Variants in PTGER3 observed in about 807,000 individuals in gnomAD.
PTGER3 encodes the protein prostaglandin E2 receptor EP3 subtype.
A neutral mutation model predicts 34.7 loss-of-function variants in PTGER3; 22 were observed. The ratio of observed to expected loss-of-function variants is 0.63; its 90% confidence interval spans 0.45 to 0.91. PTGER3 has a LOEUF of 0.91. Among genes scored for constraint, PTGER3 ranks in the 40% least tolerant of loss-of-function variants. The pLI is 0.00. For synonymous variants in PTGER3, 241 were observed against 230.1 expected, an observed-to-expected ratio of 1.05 and a Z score of -0.43; for missense variants, 468 against 519.4, an observed-to-expected ratio of 0.90 and a Z score of 0.96.
chr1:70,981,925 T>G (rs1268015875), intron 2 of PTGER3, among the ~76,000 whole-genome samples: 4 of 152,104 alleles, frequency 2.6e-5, no homozygotes, highest in Non-Finnish European at 5.9e-5. Context: ...CCCACAGTTA[T>G]CCTCACTCAG....
At chr1:70,927,434 G>A (rs1363192091) in intron 4 of PTGER3, among the ~76,000 whole-genome samples, 1 of 152,132 alleles carries the variant, frequency 6.6e-6, no homozygotes, top group Non-Finnish European at 1.5e-5. Context: ...CATTATCCAA[G>A]ATAGAGAAGA....
intron 1 of PTGER3, among the ~76,000 whole-genome samples, chr1:71,041,874 G>C (rs1660345320): frequency 1.3e-5 from 2 of 152,174 alleles, no homozygotes; most frequent in Non-Finnish European, 2.9e-5. Flanking sequence ...CAATGCAAGG[G>C]CAGAACCAAA....
At chr1:71,003,283 T>G (rs1374028409) in intron 2 of PTGER3, among the ~76,000 whole-genome samples, 2 of 152,198 alleles carry the variant, frequency 1.3e-5, no homozygotes, top group African/African-American at 4.8e-5. Context: ...ATGCACAAAT[T>G]TAGTGCCTAT....
intron 2 of PTGER3, among the ~76,000 whole-genome samples, chr1:70,986,510 A>T (rs1054100434): frequency 6.6e-6 from 1 of 152,128 alleles, no homozygotes; most frequent in African/African-American, 2.4e-5. Context: ...CACTGAGATG[A>T]CAGTGGGGTC....
chr1:71,043,138 G>A (rs1660460168), intron 1 of PTGER3, among the ~76,000 whole-genome samples: 2 of 152,296 alleles, frequency 1.3e-5, no homozygotes, highest in Admixed American at 6.5e-5. Flanking sequence ...TCAAACAACT[G>A]AGCTATGGTG....
At chr1:70,933,637 C>T (rs1330161765) in intron 4 of PTGER3, among the ~76,000 whole-genome samples, 2 of 152,114 alleles carry the variant, frequency 1.3e-5, no homozygotes, top group African/African-American at 2.4e-5. Flanking sequence ...GAGAAAGTGA[C>T]TACTTCAGAA....
chr1:71,042,752 A>G (rs182389283), intron 1 of PTGER3, among the ~76,000 whole-genome samples: 2 of 152,332 alleles, frequency 1.3e-5, no homozygotes. Context: ...TTCGCTTGTC[A>G]AAATACATCA....
chr1:70,889,204 A>G (rs2100262664), intron 4 of PTGER3, among the ~76,000 whole-genome samples: 1 of 152,064 alleles, frequency 6.6e-6, no homozygotes, highest in South Asian at 2.1e-4. Flanking sequence ...TCACGAGTTC[A>G]GGAGATCAAG....
At chr1:71,046,547 G>T in intron 1 of PTGER3, 134 bp downstream of exon 1, 2 of 1,108,834 alleles carry the variant, frequency 1.8e-6, no homozygotes, top group Non-Finnish European at 2.5e-6. Flanking sequence ...AAGACCGCGC[G>T]GGCAGGAGGA....
chr1:70,915,475 G>A (rs916276213), intron 4 of PTGER3, among the ~76,000 whole-genome samples: 1 of 151,946 alleles, frequency 6.6e-6, no homozygotes. Context: ...TGCAAACAGA[G>A]CATACTGGTT....
chr1:70,960,286 C>T (rs1651794942), intron 2 of PTGER3, among the ~76,000 whole-genome samples: 2 of 152,164 alleles, frequency 1.3e-5, no homozygotes, highest in South Asian at 4.1e-4. Flanking sequence ...ACTTTCTTCA[C>T]AGTTGTGCCA....
intron 4 of PTGER3, among the ~76,000 whole-genome samples, chr1:70,876,847 GATT>G (rs1646283161): frequency 6.6e-6 from 1 of 152,122 alleles, no homozygotes; most frequent in Admixed American, 6.5e-5. Flanking sequence ...CTGCCCTTTT[GATT>G]ACTGTAGCCT....
intron 2 of PTGER3, among the ~76,000 whole-genome samples, chr1:70,985,867 T>C (rs906186912): frequency 6.6e-6 from 1 of 152,312 alleles, no homozygotes; most frequent in East Asian, 1.9e-4. Context: ...GTCACAGCTA[T>C]GATTAGGGCT....
intron 2 of PTGER3, among the ~76,000 whole-genome samples, chr1:71,003,712 C>T (rs558850363): frequency 1.3e-5 from 2 of 152,208 alleles, no homozygotes; most frequent in South Asian, 2.1e-4. Context: ...ATGGACATAT[C>T]GTTAGATAGA....
intron 4 of PTGER3, among the ~76,000 whole-genome samples, chr1:70,932,481 G>T (rs555130126): frequency 6.6e-6 from 1 of 152,108 alleles, no homozygotes; most frequent in African/African-American, 2.4e-5. Context: ...AAGAAAAAGA[G>T]GCTTAATTGG....
chr1:70,980,742 C>T (rs964779321), intron 2 of PTGER3, among the ~76,000 whole-genome samples: 1 of 152,146 alleles, frequency 6.6e-6, no homozygotes, highest in African/African-American at 2.4e-5. Flanking sequence ...CTATTTCAGC[C>T]ATAACAAACA....
intron 2 of PTGER3, among the ~76,000 whole-genome samples, chr1:70,982,313 G>A (rs1283134612): frequency 6.6e-6 from 1 of 152,054 alleles, no homozygotes; most frequent in African/African-American, 2.4e-5. Flanking sequence ...TCTCACTTTG[G>A]GAATATCATT....
At chr1:70,972,192 G>A (rs1653157518) in intron 3 of PTGER3, among the ~76,000 whole-genome samples, 1 of 151,980 alleles carries the variant, frequency 6.6e-6, no homozygotes. Context: ...GTGTGGTGGT[G>A]TGCACCTGTA....
chr1:70,868,213 C>G (rs1338550025), intron 4 of PTGER3, among the ~76,000 whole-genome samples: 2 of 152,044 alleles, frequency 1.3e-5, no homozygotes, highest in Non-Finnish European at 2.9e-5. Context: ...GTCACCTTTA[C>G]AATTCCACTC....
Sources: gnomAD v4.1 joint callset for allele counts (sites outside exome capture counted in the v4.1 genomes callset) on GRCh38, gnomAD v4.1.1 for gene constraint, MANE v1.5 for transcripts, NCBI Gene and HGNC (gene_info 2026-07-23, HGNC 2026-07-21) for gene names.